Variants in ITPKB observed in about 807,000 individuals in gnomAD.
ITPKB encodes the protein inositol-trisphosphate 3-kinase B, also known as IP3 3-kinase B.
ITPKB carries 13 observed loss-of-function variants against 69.4 expected under a neutral mutation model. The ratio of observed to expected loss-of-function variants is 0.19; its 90% CI spans 0.12 to 0.30. ITPKB has a LOEUF of 0.30. Ranked by LOEUF, ITPKB falls within the 10% of genes least tolerant of loss-of-function variation. The pLI, the probability that ITPKB is intolerant of heterozygous loss-of-function variation, is 1.00. For synonymous variants in ITPKB, 584 were observed against 513.7 expected, an observed-to-expected ratio of 1.14 and a Z score of -1.85; for missense variants, 1,240 against 1,250.5, an observed-to-expected ratio of 0.99 and a Z score of 0.13.
At position 226,643,457 on chromosome 1, in the gene ITPKB, C is replaced by T. The variant is rs772122591; in HGVS notation, c.2247-1332G>A. Among the ~76,000 whole-genome samples, 30 of 152,154 alleles carry T rather than the reference C, an allele frequency of 2.0e-4. 1 individual carries two copies. The highest frequency in any genetic ancestry group is 1.3e-4 in the Non-Finnish European group (9 of 68,018). ...TTTTCTCCCCTTTGCCCTGTGTGGGCGGGAGCTGCCCACAGAGGCCCCGCC... is the reference window on the plus strand; with the variant it reads ...TTTTCTCCCCTTTGCCCTGTGTGGGTGGGAGCTGCCCACAGAGGCCCCGCC... On this transcript the variant is annotated intron_variant, in intron 4 of 7. Transcript: ENST00000429204.
rs564543308 is a variant in ITPKB, at chr1:226,641,517, A to G, written c.2451+404T>C. Among the ~76,000 whole-genome samples the G allele has an allele frequency of 3.3e-5, 5 of 152,380 alleles. No homozygotes were observed. Among genetic ancestry groups the G allele is most frequent in the Non-Finnish European group, 7.3e-5 (5 of 68,038 alleles). ...GCAGTTTCTCAGAGACCCTGGCTCC[A>G]ACATCAAAGGCGGTCAGCATGCTCC... On this transcript the variant is annotated intron_variant, in intron 5 of 7. Coordinates refer to ENST00000429204, the MANE Select transcript of ITPKB (RefSeq NM_002221.4). The surrounding 1 kb of genome is among the most constrained non-coding windows in gnomAD (Gnocchi z 4.6).
At position 226,637,781 on chromosome 1, in the gene ITPKB, G is replaced by A. The variant is rs752133538; in HGVS notation, c.2554-31C>T. On this transcript the variant is annotated intron_variant, in intron 6 of 7. Transcript: ENST00000429204. The surrounding 1 kb of genome is among the most constrained non-coding windows in gnomAD (Gnocchi z 4.3). ...AATAGAAAGAGGACCAGATTTTTAA[G>A]CGCCGCGTGGGGAAGGGCAGTGTCA... The A allele has an allele frequency of 9.6e-6, 15 of 1,557,550 alleles. No homozygotes were observed. Among genetic ancestry groups the A allele is most frequent in the Non-Finnish European group, 1.3e-5 (15 of 1,130,680 alleles).
intron 2 of ITPKB, among the ~76,000 whole-genome samples, chr1:226,667,599 T>C (rs960555122): frequency 6.6e-6 from 1 of 152,140 alleles, no homozygotes; most frequent in East Asian, 1.9e-4. Context: ...CTGGGCTGGC[T>C]CCTGGACTCC....
chr1:226,676,594 G>A (rs1669739664), intron 2 of ITPKB, among the ~76,000 whole-genome samples: 1 of 152,236 alleles, frequency 6.6e-6, no homozygotes. Flanking sequence ...GCAACCAAGT[G>A]AGAAAACAGA....
intron 2 of ITPKB, among the ~76,000 whole-genome samples, chr1:226,703,164 AG>A (rs1048626046): frequency 1.3e-5 from 2 of 152,152 alleles, no homozygotes; most frequent in African/African-American, 4.8e-5. Context: ...GAGTGGGTGA[AG>A]GAAAAAAAAA....
intron 2 of ITPKB, among the ~76,000 whole-genome samples, chr1:226,662,921 T>C (rs1669427681): frequency 6.6e-6 from 1 of 152,204 alleles, no homozygotes; most frequent in Admixed American, 6.5e-5. Flanking sequence ...CAGCTCTGAA[T>C]TCTGCTATGA....
At chr1:226,718,461 G>T (rs1002140622) in intron 2 of ITPKB, among the ~76,000 whole-genome samples, 5 of 151,998 alleles carry the variant, frequency 3.3e-5, no homozygotes, top group Non-Finnish European at 7.4e-5. Context: ...TGGGCATGGT[G>T]CTGCATACCT....
At chr1:226,731,085 T>A (rs7553813) in intron 2 of ITPKB, among the ~76,000 whole-genome samples, 5 of 152,200 alleles carry the variant, frequency 3.3e-5, no homozygotes, top group African/African-American at 1.2e-4. Context: ...TACTTGAAAA[T>A]GTTTTAAGCT....
intron 2 of ITPKB, chr1:226,707,868 G>A (rs746029729): frequency 7.7e-7 from 1 of 1,297,698 alleles, no homozygotes; most frequent in Non-Finnish European, 1.0e-6. Flanking sequence ...CTTGGTATTG[G>A]ACGTTGCCCC....
intron 3 of ITPKB, among the ~76,000 whole-genome samples, chr1:226,648,161 C>T (rs570026573): frequency 6.6e-6 from 1 of 152,350 alleles, no homozygotes; most frequent in East Asian, 1.9e-4. Flanking sequence ...CACCGCCCTG[C>T]AGTTATGGGG....
intron 3 of ITPKB, among the ~76,000 whole-genome samples, chr1:226,647,931 C>G (rs3768372): frequency 0.19 from 28,241 of 152,204 alleles, 2,840 homozygotes; most frequent in Middle Eastern, 0.31. Context: ...CCAGTGTGGC[C>G]AACGAGGTAA....
At chr1:226,673,316 T>C (rs945013604) in intron 2 of ITPKB, among the ~76,000 whole-genome samples, 2 of 152,140 alleles carry the variant, frequency 1.3e-5, no homozygotes, top group African/African-American at 4.8e-5. Context: ...GAGGCTGCCA[T>C]GTTCGTGCCA....
At chr1:226,701,424 G>C (rs1253495601) in intron 2 of ITPKB, among the ~76,000 whole-genome samples, 1 of 151,554 alleles carries the variant, frequency 6.6e-6, no homozygotes, top group African/African-American at 2.4e-5. Context: ...CTAACACGGT[G>C]AAACCCCGTC....
chr1:226,641,874 G>C lies in ITPKB; in HGVS notation c.2451+47C>G. 1 of 1,537,040 alleles carries C rather than the reference G, an allele frequency of 6.5e-7. No individual in the cohort carries two copies. The highest frequency in any genetic ancestry group is 8.9e-7 in the Non-Finnish European group (1 of 1,118,958). On this transcript the variant is annotated intron_variant, in intron 5 of 7. Coordinates refer to ENST00000429204, the MANE Select transcript of ITPKB (RefSeq NM_002221.4). The surrounding 1 kb of genome is among the most constrained non-coding windows in gnomAD (Gnocchi z 4.6). ...CGCTGAGAGAAGCCAAGCCCCCTGA[G>C]GTGGGCACGGGTGGGGCCCGAGGCT...
intron 3 of ITPKB, among the ~76,000 whole-genome samples, chr1:226,647,790 G>A (rs562733909): frequency 8.3e-4 from 127 of 152,390 alleles, no homozygotes; most frequent in Middle Eastern, 3.4e-3. Flanking sequence ...AGGATTCAGA[G>A]CCAAGGTGGG....
intron 1 of ITPKB, among the ~76,000 whole-genome samples, chr1:226,737,950 G>C (rs577694101): frequency 6.6e-6 from 1 of 152,184 alleles, no homozygotes; most frequent in Non-Finnish European, 1.5e-5. Flanking sequence ...CTCGCGGACC[G>C]GCGAGAAGCG....
At chr1:226,698,302 T>C (rs2102785751) in intron 2 of ITPKB, among the ~76,000 whole-genome samples, 1 of 152,338 alleles carries the variant, frequency 6.6e-6, no homozygotes, top group East Asian at 1.9e-4. Context: ...CGACAGCTCA[T>C]TTCTGGACTG....
chr1:226,645,631 G>C (rs1384984557), intron 4 of ITPKB, among the ~76,000 whole-genome samples: 1 of 152,198 alleles, frequency 6.6e-6, no homozygotes, highest in Non-Finnish European at 1.5e-5. Flanking sequence ...TCCTGCTGCT[G>C]TCTGGGTTGG....
intron 2 of ITPKB, among the ~76,000 whole-genome samples, chr1:226,703,042 A>T (rs1267318831): frequency 6.6e-6 from 1 of 152,204 alleles, no homozygotes; most frequent in Non-Finnish European, 1.5e-5. Context: ...GTGTTTCAGC[A>T]GCTTAAACAT....
Sources: allele counts gnomAD v4.1 joint callset (sites outside exome capture counted in the v4.1 genomes callset), GRCh38; gene constraint gnomAD v4.1.1; non-coding constraint Gnocchi (gnomAD v3.1); transcripts MANE v1.5; gene names NCBI Gene and HGNC (gene_info 2026-07-23, HGNC 2026-07-21).